Variants in FHOD3 observed in about 807,000 individuals in gnomAD.
The protein encoded by FHOD3 is FH1/FH2 domain-containing protein 3.
FHOD3 carries 90 observed loss-of-function variants against 173.0 expected under a neutral mutation model. The observed-to-expected ratio is 0.52, with a 90% CI of 0.44 to 0.62. FHOD3 has a LOEUF of 0.62. FHOD3 is among the 20% of genes least tolerant of loss of function. The probability of loss-of-function intolerance (pLI) is 0.00; values close to 1 mark genes in which losing one functional copy is unlikely to be tolerated. For synonymous variants in FHOD3, 828 were observed against 823.0 expected (o/e 1.01, Z -0.10); for missense variants, 1,945 against 2,034.7 (o/e 0.96, Z 0.85).
intron 3 of FHOD3, among the ~76,000 whole-genome samples, chr18:36,434,958 A>G (rs137864420): frequency 1.9e-3 from 284 of 152,196 alleles, no homozygotes; most frequent in Non-Finnish European, 3.3e-3. Context: ...TTTTCTGTGT[A>G]TGTAATCACA....
intron 1 of FHOD3, among the ~76,000 whole-genome samples, chr18:36,312,375 G>C (rs566406426): frequency 2.0e-5 from 3 of 152,006 alleles, no homozygotes; most frequent in South Asian, 2.1e-4. Flanking sequence ...GCTTTCTGAC[G>C]ACCCCCTAGA....
At chr18:36,748,047 C>T (rs898196643) in intron 24 of FHOD3, among the ~76,000 whole-genome samples, 14 of 152,130 alleles carry the variant, frequency 9.2e-5, no homozygotes, top group Non-Finnish European at 2.1e-4. Context: ...GATATTCATA[C>T]TCCCTGGGTC....
At chr18:36,495,116 T>C (rs1012548441) in intron 3 of FHOD3, among the ~76,000 whole-genome samples, 2 of 152,142 alleles carry the variant, frequency 1.3e-5, no homozygotes, top group Non-Finnish European at 2.9e-5. Flanking sequence ...TTTGTATTTT[T>C]TTTTTGTAGA....
intron 4 of FHOD3, among the ~76,000 whole-genome samples, chr18:36,509,571 CAT>C (rs1333098354): frequency 6.6e-6 from 1 of 151,834 alleles, no homozygotes; most frequent in Non-Finnish European, 1.5e-5. Flanking sequence ...TTTAGAGATA[CAT>C]ATTGGAATGT....
chr18:36,769,688 G>T (rs895729697), intron 28 of FHOD3, among the ~76,000 whole-genome samples: 8 of 152,090 alleles, frequency 5.3e-5, no homozygotes, highest in African/African-American at 1.7e-4. Context: ...TTCCCAGGAA[G>T]GTATGAAAAG....
chr18:36,751,917 C>T (rs1013528102), intron 24 of FHOD3, among the ~76,000 whole-genome samples: 35 of 152,118 alleles, frequency 2.3e-4, no homozygotes, highest in African/African-American at 7.0e-4. Flanking sequence ...AGTCGATTCT[C>T]ATGCTGCTAA....
At chr18:36,354,332 G>A (rs1244495919) in intron 1 of FHOD3, among the ~76,000 whole-genome samples, 1 of 152,136 alleles carries the variant, frequency 6.6e-6, no homozygotes, top group Non-Finnish European at 1.5e-5. Context: ...AAGTAACATA[G>A]CCTCTCTTTG....
chr18:36,775,174 C>T (rs1268876853), intron 28 of FHOD3, among the ~76,000 whole-genome samples: 1 of 152,134 alleles, frequency 6.6e-6, no homozygotes, highest in African/African-American at 2.4e-5. Context: ...ACATTGCTCC[C>T]AGTACACCTG....
chr18:36,653,429 A>ATT lies in FHOD3; in HGVS notation c.1721+16_1721+17dup. 1 of 1,508,814 alleles carries ATT rather than the reference A, an allele frequency of 6.6e-7. No individual in the cohort carries two copies. Among genetic ancestry groups the ATT allele is most frequent in the Admixed American group, 2.0e-5 (1 of 49,860 alleles). 93.5% of individuals were successfully genotyped at this position (1,508,814 alleles called of 1,614,324 possible). On this transcript the variant is annotated intron_variant, in intron 13 of 28. Transcript: ENST00000590592. ...TCTCTTCTAATAGGTGGGTGTCTTTATTTTCTTTCCCTTTTCTGTAGCTTT... is the reference window on the plus strand; with the variant it reads ...TCTCTTCTAATAGGTGGGTGTCTTTATTTTTTCTTTCCCTTTTCTGTAGCTTT...
At chr18:36,317,985 TC>T (rs1230918240) in intron 1 of FHOD3, among the ~76,000 whole-genome samples, 4 of 152,198 alleles carry the variant, frequency 2.6e-5, no homozygotes, top group Non-Finnish European at 5.9e-5. Flanking sequence ...AAATAGAGAA[TC>T]CTTTCCCCAT....
chr18:36,512,919 G>GA (rs951908843), intron 5 of FHOD3, among the ~76,000 whole-genome samples: 2 of 152,158 alleles, frequency 1.3e-5, no homozygotes, highest in Admixed American at 1.3e-4. Context: ...TTATTTCTTG[G>GA]AAAAAAACAT....
At chr18:36,771,661 C>T (rs1459418921) in intron 28 of FHOD3, among the ~76,000 whole-genome samples, 3 of 152,216 alleles carry the variant, frequency 2.0e-5, no homozygotes, top group African/African-American at 7.2e-5. Context: ...TCAAGGTCAC[C>T]ACATGGCAGG....
At chr18:36,726,286 G>T (rs1163583005) in intron 19 of FHOD3, among the ~76,000 whole-genome samples, 1 of 152,044 alleles carries the variant, frequency 6.6e-6, no homozygotes, top group African/African-American at 2.4e-5. Flanking sequence ...TTACTCTCAA[G>T]AAAATGTTGT....
At chr18:36,410,622 A>T (rs1172227966) in intron 3 of FHOD3, among the ~76,000 whole-genome samples, 1 of 152,086 alleles carries the variant, frequency 6.6e-6, no homozygotes, top group Admixed American at 6.6e-5. Flanking sequence ...AATGTATGAG[A>T]TTTCCAGTTT....
chr18:36,322,933 A>G (rs1414671441), intron 1 of FHOD3, among the ~76,000 whole-genome samples: 2 of 152,126 alleles, frequency 1.3e-5, no homozygotes, highest in East Asian at 1.9e-4. Context: ...CCACCTGCCA[A>G]CCCTCAGGCT....
At chr18:36,426,327 G>A (rs2147165141) in intron 3 of FHOD3, among the ~76,000 whole-genome samples, 1 of 152,344 alleles carries the variant, frequency 6.6e-6, no homozygotes, top group South Asian at 2.1e-4. Context: ...GGGTGATACA[G>A]CTGGTAATTG....
At chr18:36,619,954 T>G (rs2148722276) in intron 9 of FHOD3, among the ~76,000 whole-genome samples, 1 of 152,240 alleles carries the variant, frequency 6.6e-6, no homozygotes, top group South Asian at 2.1e-4. Flanking sequence ...GGGTAGGGCC[T>G]GGAGAGCAGC....
At chr18:36,760,461 G>C (rs2042820953) in intron 26 of FHOD3, 147 bp from the exon 27 acceptor site, 1 of 671,386 alleles carries the variant, frequency 1.5e-6, no homozygotes, top group Non-Finnish European at 2.2e-6. Flanking sequence ...TTTGTCATTA[G>C]TTAACTTCAG....
At chr18:36,392,049 T>C (rs2048326879) in intron 3 of FHOD3, among the ~76,000 whole-genome samples, 1 of 152,220 alleles carries the variant, frequency 6.6e-6, no homozygotes, top group African/African-American at 2.4e-5. Flanking sequence ...CACTGGACCC[T>C]GGTGTAGCGG....
Sources: allele counts gnomAD v4.1 joint callset (sites outside exome capture counted in the v4.1 genomes callset), GRCh38; gene constraint gnomAD v4.1.1; transcripts MANE v1.5; gene names NCBI Gene and HGNC (gene_info 2026-07-23, HGNC 2026-07-21).